The following SLC28A1 variants were observed in gnomAD, a reference collection of about 807,000 sequenced individuals.
The protein encoded by SLC28A1 is solute carrier family 28 member 1.
Under a neutral mutation model 74.8 loss-of-function variants are expected in SLC28A1, and 64 were observed. The ratio of observed to expected loss-of-function variants is 0.86; its 90% CI spans 0.70 to 1.05. The LOEUF (loss-of-function observed/expected upper bound fraction) is 1.05. Ranked by LOEUF, SLC28A1 falls within the 50% of genes least tolerant of loss-of-function variation. The pLI, the probability that SLC28A1 is intolerant of heterozygous loss-of-function variation, is 0.00. For synonymous variants in SLC28A1, 359 were observed against 335.0 expected (o/e 1.07, Z -0.78); for missense variants, 828 against 822.8 (o/e 1.01, Z -0.08).
At chr15:84,898,748 G>A (rs1012884211) in intron 6 of SLC28A1, among the ~76,000 whole-genome samples, 1 of 152,144 alleles carries the variant, frequency 6.6e-6, no homozygotes, top group Admixed American at 6.6e-5. Flanking sequence ...GATCCTTGAG[G>A]ATTAGGAAAC....
At chr15:84,961,412 G>A in the SLC28A1 span, 1 of 424,040 alleles carries the variant, frequency 2.4e-6, no homozygotes, top group South Asian at 1.7e-5. Context: ...GCTCACTGTA[G>A]CCTCAACCTC....
chr15:84,969,536 G>A, the SLC28A1 span, among the ~76,000 whole-genome samples: 17 of 151,598 alleles, frequency 1.1e-4, no homozygotes, highest in Admixed American at 4.6e-4. Flanking sequence ...CCTGCCCCCC[G>A]ACTCGGACTT....
chr15:84,913,533 C>T (rs1160495276), intron 9 of SLC28A1, among the ~76,000 whole-genome samples: 1 of 152,166 alleles, frequency 6.6e-6, no homozygotes, highest in African/African-American at 2.4e-5. Flanking sequence ...TCTGGAAAGG[C>T]CAAACATCAG....
intron 9 of SLC28A1, among the ~76,000 whole-genome samples, chr15:84,915,611 T>C (rs1463441531): frequency 2.0e-5 from 3 of 152,140 alleles, no homozygotes; most frequent in Admixed American, 6.5e-5. Flanking sequence ...CCTCTGACAC[T>C]GCTCTCACCT....
rs1374923032 is a variant in SLC28A1 at position 84,935,205 on chromosome 15, G to A, written c.1383+11G>A. The A allele has an allele frequency of 6.2e-7, 1 of 1,613,850 alleles. No homozygotes were observed. Among genetic ancestry groups the A allele is most frequent in the African/African-American group, 1.3e-5 (1 of 74,916 alleles). On this transcript the variant is annotated intron_variant, in intron 14 of 18. Transcript: ENST00000394573. ...GGGCTCAGCTTCCAGGTGCGTTTCTGGCCACCACACTCAGTCTGTAGAGAG... is the reference window on the plus strand; with the variant it reads ...GGGCTCAGCTTCCAGGTGCGTTTCTAGCCACCACACTCAGTCTGTAGAGAG...
At chr15:84,918,685 C>A (rs1173598514) in intron 10 of SLC28A1, 81 bp downstream of exon 10, 1 of 1,101,648 alleles carries the variant, frequency 9.1e-7, no homozygotes, top group Non-Finnish European at 1.4e-6. Flanking sequence ...ATGCCTTGCT[C>A]CCAGAGCCCA....
At chr15:84,946,104 ATATATATATT>A (rs1567196402), downstream of SLC28A1, among the ~76,000 whole-genome samples, 6 of 12,730 alleles carry the variant, frequency 4.7e-4, no homozygotes, top group African/African-American at 1.5e-3. Context: ...ATATATATAT[ATATATATATT>A]TTTTTTTTTT....
chr15:84,946,053 TAC>T (rs1567196005), downstream of SLC28A1, among the ~76,000 whole-genome samples: 56 of 123,848 alleles, frequency 4.5e-4, no homozygotes, highest in African/African-American at 1.6e-3. Flanking sequence ...CACATATATA[TAC>T]ATACATATAT....
At chr15:84,919,172 A>G (rs1269854555) in intron 10 of SLC28A1, among the ~76,000 whole-genome samples, 1 of 152,248 alleles carries the variant, frequency 6.6e-6, no homozygotes, top group African/African-American at 2.4e-5. Flanking sequence ...ATATTGAGAG[A>G]CTGTAGCAGT....
Position 84,886,053 on chromosome 15 carries a change from C to T in SLC28A1, c.-132-619C>T, listed in dbSNP as rs187615676. 2.5e-5 allele frequency: 18 copies of T among 726,774 alleles called. No homozygotes were observed. In the Admixed American group the frequency reaches 9.4e-4, roughly 38 times the overall value. 45.0% of individuals were successfully genotyped at this position (726,774 alleles called of 1,614,324 possible). The stretch of plus-strand genomic sequence containing the variant: ...ATTATTAAAGAGATGTTGTGAATCC[C>T]GTCAGATGAGTTTAATGTTTAGTGT... On this transcript the variant is annotated intron_variant, in intron 1 of 18. Coordinates refer to ENST00000394573, the MANE Select transcript of SLC28A1 (RefSeq NM_004213.5).
chr15:84,963,230 C>T, the SLC28A1 span, among the ~76,000 whole-genome samples: 1 of 152,130 alleles, frequency 6.6e-6, no homozygotes, highest in African/African-American at 2.4e-5. Context: ...TCGGGCTATC[C>T]CTAGCCACAC....
chr15:84,905,396 G>C, intron 7 of SLC28A1, 143 bp from the exon 8 acceptor site: 1 of 680,520 alleles, frequency 1.5e-6, no homozygotes, highest in Non-Finnish European at 2.7e-6. Context: ...GGGAGGGTGT[G>C]ACCACTGGCA....
chr15:84,943,080 G>A (rs530280876), intron 15 of SLC28A1, among the ~76,000 whole-genome samples: 2 of 152,276 alleles, frequency 1.3e-5, no homozygotes, highest in East Asian at 3.9e-4. Context: ...CAGCTACTCG[G>A]GAGGCTGAGG....
intron 9 of SLC28A1, among the ~76,000 whole-genome samples, chr15:84,916,988 A>G (rs1285643012): frequency 6.9e-6 from 1 of 144,022 alleles, no homozygotes; most frequent in Non-Finnish European, 1.5e-5. Flanking sequence ...AGATCGTACC[A>G]CTGTACTCCA....
At position 84,895,513 on chromosome 15, in the gene SLC28A1, A is replaced by AT. The variant is rs397775457; in HGVS notation, c.461+395dup. 1.8e-4 allele frequency: 276 copies of AT among 1,572,174 alleles called. 1 individual carries two copies. In the East Asian group the frequency reaches 6.1e-3, roughly 35 times the overall value. On this transcript the variant is annotated intron_variant, in intron 6 of 18. Transcript: ENST00000394573. Reference sequence around the variant, plus strand: ...GCTCGATCGGGGTCCAGGTGCTGGTATTTTTCATTAGCCTCCAGGGGATTC... The same window carrying AT: ...GCTCGATCGGGGTCCAGGTGCTGGTATTTTTTCATTAGCCTCCAGGGGATTC...
intron 6 of SLC28A1, among the ~76,000 whole-genome samples, chr15:84,899,940 AAAGGAAGGAAGG>A: frequency 7.3e-6 from 1 of 136,922 alleles, no homozygotes; most frequent in East Asian, 2.3e-4. Context: ...AGAAAGAAAG[AAAGGAAGGAAGG>A]AAGGAAGGAA....
Position 84,904,242 on chromosome 15 carries a change from A to T in SLC28A1, c.603+4A>T, listed in dbSNP as rs776140257. On this transcript the variant is annotated splice_donor_region_variant and intron_variant, in intron 7 of 18. Coordinates refer to ENST00000394573, the MANE Select transcript of SLC28A1 (RefSeq NM_004213.5). ...CTGCTCAAAGCATCATTGCGCAGTGAGTGCTAGTTGTGGGGCCCAGGGCTG... is the reference window on the plus strand; with the variant it reads ...CTGCTCAAAGCATCATTGCGCAGTGTGTGCTAGTTGTGGGGCCCAGGGCTG... 1.9e-6 allele frequency: 3 copies of T among 1,613,628 alleles called. No homozygotes were observed. The highest frequency in any genetic ancestry group is 2.7e-5 in the African/African-American group (2 of 74,916).
chr15:84,952,150 C>G, the SLC28A1 span, among the ~76,000 whole-genome samples: 1 of 152,198 alleles, frequency 6.6e-6, no homozygotes, highest in East Asian at 1.9e-4. Context: ...ACAGGCTTCT[C>G]AGGTCCCCAT....
chr15:84,887,273 C>T (rs1370318630), intron 2 of SLC28A1: 21 of 741,172 alleles, frequency 2.8e-5, no homozygotes, highest in Non-Finnish European at 4.9e-6. Flanking sequence ...ATGCCTGTAT[C>T]AGATACATAT....
Sources: gnomAD v4.1 joint callset for allele counts (sites outside exome capture counted in the v4.1 genomes callset) on GRCh38, gnomAD v4.1.1 for gene constraint, MANE v1.5 for transcripts, NCBI Gene and HGNC (gene_info 2026-07-23, HGNC 2026-07-21) for gene names.